Variants in HIP1 observed in about 807,000 individuals in gnomAD.
HIP1 encodes huntingtin-interacting protein 1.
Under a neutral mutation model 147.6 loss-of-function variants are expected in HIP1, and 65 were observed. That is an observed-to-expected ratio of 0.44 (90% CI 0.36 to 0.54). The LOEUF is 0.54. Among genes scored for constraint, HIP1 ranks in the 20% least tolerant of loss-of-function variants. HIP1 has a pLI of 0.00. For missense variants in HIP1, 1,061 were observed against 1,299.6 expected (o/e 0.82, Z 2.82); for synonymous variants, 479 against 504.0 (o/e 0.95, Z 0.67).
intron 1 of HIP1, among the ~76,000 whole-genome samples, chr7:75,662,578 T>A (rs1329691242): frequency 2.0e-5 from 3 of 152,160 alleles, no homozygotes; most frequent in Non-Finnish European, 4.4e-5. Flanking sequence ...TGATCTCAGC[T>A]CACTGCAACC....
chr7:75,660,489 T>C (rs1253940122), intron 1 of HIP1, among the ~76,000 whole-genome samples: 1 of 152,110 alleles, frequency 6.6e-6, no homozygotes, highest in Non-Finnish European at 1.5e-5. Flanking sequence ...ATTGCACCAC[T>C]GCACTCCAGC....
chr7:75,659,797 T>C (rs1039453074), intron 1 of HIP1, among the ~76,000 whole-genome samples: 13 of 152,108 alleles, frequency 8.5e-5, no homozygotes, highest in African/African-American at 3.1e-4. Context: ...ACCCACCATA[T>C]GCGAGCACTT....
chr7:75,688,390 G>C (rs573531789), intron 1 of HIP1, among the ~76,000 whole-genome samples: 2 of 151,998 alleles, frequency 1.3e-5, no homozygotes, highest in African/African-American at 4.8e-5. Context: ...CGCCGGGTCC[G>C]GGCTCCCAGG....
At chr7:75,690,872 A>G (rs138008989) in intron 1 of HIP1, among the ~76,000 whole-genome samples, 1 of 152,240 alleles carries the variant, frequency 6.6e-6, no homozygotes, top group East Asian at 1.9e-4. Context: ...TCAAAAAAAA[A>G]AGTTAAACGT....
chr7:75,544,829 T>A, intron 26 of HIP1, 29 bp from the exon 27 acceptor site: 1 of 1,417,172 alleles, frequency 7.1e-7, no homozygotes, highest in Non-Finnish European at 1.0e-6. Flanking sequence ...AGGGACTAGG[T>A]TACGGGCAAA....
At chr7:75,649,059 T>C (rs2117182062) in intron 1 of HIP1, among the ~76,000 whole-genome samples, 1 of 152,164 alleles carries the variant, frequency 6.6e-6, no homozygotes, top group East Asian at 1.9e-4. Flanking sequence ...AGTTTTGCTC[T>C]TGTTACCCAG....
intron 1 of HIP1, among the ~76,000 whole-genome samples, chr7:75,670,869 A>G (rs1799711925): frequency 7.0e-6 from 1 of 142,698 alleles, no homozygotes; most frequent in Non-Finnish European, 1.5e-5. Flanking sequence ...CGATCCTCCT[A>G]CCTCTGCCTC....
intron 1 of HIP1, among the ~76,000 whole-genome samples, chr7:75,732,735 C>G (rs1394152821): frequency 6.6e-6 from 1 of 152,176 alleles, no homozygotes; most frequent in African/African-American, 2.4e-5. Flanking sequence ...GTGTCTTTTC[C>G]TCTAATCCCA....
chr7:75,546,203 T>TA (rs61307928), intron 25 of HIP1, among the ~76,000 whole-genome samples: 4 of 151,568 alleles, frequency 2.6e-5, no homozygotes, highest in African/African-American at 7.2e-5. Context: ...GTGAATACAT[T>TA]AAAAAAAAAT....
At chr7:75,731,352 G>A (rs1402563160) in intron 1 of HIP1, among the ~76,000 whole-genome samples, 4 of 151,490 alleles carry the variant, frequency 2.6e-5, no homozygotes, top group Non-Finnish European at 5.9e-5. Context: ...GCATGGTGGC[G>A]CACGCCTATA....
chr7:75,618,022 C>A (rs117482811), intron 1 of HIP1, among the ~76,000 whole-genome samples: 3 of 152,230 alleles, frequency 2.0e-5, no homozygotes, highest in Admixed American at 6.5e-5. Context: ...CCGGGGGAAG[C>A]CTTCCGGATA....
rs150174246 is a variant in HIP1 at position 75,732,830 on chromosome 7, T to A, written c.120+5971A>T. The stretch of plus-strand genomic sequence containing the variant: ...CTGTGGTGAACACGACAAGTCCTGA[T>A]TCAGTAGTTCTGGGTGGTGCCCAAC... On this transcript the variant is annotated intron_variant, in intron 1 of 30. Coordinates refer to ENST00000336926, the MANE Select transcript of HIP1 (RefSeq NM_005338.7). 9.8e-4 allele frequency among the ~76,000 whole-genome samples: 149 copies of A among 152,264 alleles called. 3 individuals are homozygous for A. The highest frequency in any genetic ancestry group is 7.7e-4 in the East Asian group (4 of 5,184).
intron 1 of HIP1, among the ~76,000 whole-genome samples, chr7:75,651,506 A>G (rs965393745): frequency 6.8e-6 from 1 of 146,866 alleles, no homozygotes; most frequent in Non-Finnish European, 1.5e-5. Context: ...GATTCTCCAC[A>G]CTGTAAAAAC....
intron 1 of HIP1, among the ~76,000 whole-genome samples, chr7:75,610,354 C>G (rs943397779): frequency 1.3e-5 from 2 of 151,564 alleles, no homozygotes; most frequent in Non-Finnish European, 2.9e-5. Flanking sequence ...GACTTCCAGG[C>G]ATGTGCCACC....
At chr7:75,718,466 G>C (rs1554520808) in intron 1 of HIP1, among the ~76,000 whole-genome samples, 1 of 152,178 alleles carries the variant, frequency 6.6e-6, no homozygotes, top group African/African-American at 2.4e-5. Flanking sequence ...TTGGTAACAA[G>C]CCTGTATAAC....
chr7:75,689,952 C>G (rs925725289), intron 1 of HIP1, among the ~76,000 whole-genome samples: 6 of 152,076 alleles, frequency 3.9e-5, no homozygotes, highest in Non-Finnish European at 8.8e-5. Flanking sequence ...GGTCTGCAGC[C>G]CTGATGGCAT....
chr7:75,556,775 G>C lies in HIP1; in HGVS notation c.1618C>G (p.Gln540Glu). The change falls in exon 17 of 31, where the codon CAG becomes GAG. Residue 540 changes from glutamine to glutamate, a missense_variant. Around this residue, in one of 3 missense-constraint regions of HIP1, gnomAD observed 810 missense variants for 946.8 expected, o/e 0.86. Transcript: ENST00000336926. The part of the protein sequence containing the change: ...EQLEVLESLK[Q>E]ELATSQRELQ... ...TCCCGTTGGCTTGTGGCAAGTTCCT[G>C]CTTCAAGCTCTCTAGAACTTCCAGC... 1 of 1,613,548 alleles carries C rather than the reference G, an allele frequency of 6.2e-7. No homozygotes were observed. Among genetic ancestry groups the C allele is most frequent in the Non-Finnish European group, 8.5e-7 (1 of 1,179,548 alleles).
intron 1 of HIP1, among the ~76,000 whole-genome samples, chr7:75,666,770 C>T (rs540708164): frequency 9.9e-5 from 15 of 152,204 alleles, no homozygotes; most frequent in African/African-American, 3.6e-4. Context: ...ACGCAGATCA[C>T]CTGGGACCAG....
At chr7:75,598,042 CT>C (rs1338871415) in intron 2 of HIP1, among the ~76,000 whole-genome samples, 5 of 152,168 alleles carry the variant, frequency 3.3e-5, no homozygotes, top group Non-Finnish European at 4.4e-5. Flanking sequence ...CTTCTTCCCC[CT>C]GGCATAGGTT....
Sources: gnomAD v4.1 joint callset for allele counts (sites outside exome capture counted in the v4.1 genomes callset) on GRCh38, gnomAD v4.1.1 for gene constraint, gnomAD v4.1.1 regional missense constraint, MANE v1.5 for transcripts, NCBI Gene and HGNC (gene_info 2026-07-23, HGNC 2026-07-21) for gene names.